The following DISP2 variants were observed in gnomAD, a reference collection of about 807,000 sequenced individuals.
DISP2 encodes dispatched RND transporter family member 2.
In DISP2, 59 loss-of-function variants were observed where a neutral mutation model predicts 95.5. That is an observed-to-expected ratio of 0.62 (90% CI 0.50 to 0.77). The LOEUF (loss-of-function observed/expected upper bound fraction) is 0.77, where lower values mean the gene tolerates loss of function less well. Among genes scored for constraint, DISP2 ranks in the 30% least tolerant of loss-of-function variants. DISP2 has a pLI of 0.00. For missense variants in DISP2, 1,752 were observed against 1,854.6 expected (o/e 0.94, Z 1.02); for synonymous variants, 827 against 815.0 (o/e 1.01, Z -0.25).
rs1339520659 is a variant in DISP2, at chr15:40,377,588, C to A, written c.*7270C>A. Reference sequence around the variant, plus strand: ...GGGAGAACCCAGGCAAAGCAAGTGACTCTGAGGTGAGGGGATAGCTGGGAG... The same window carrying A: ...GGGAGAACCCAGGCAAAGCAAGTGAATCTGAGGTGAGGGGATAGCTGGGAG... On this transcript the variant is annotated 3_prime_UTR_variant, in exon 8 of 8. Coordinates refer to ENST00000267889, the MANE Select transcript of DISP2 (RefSeq NM_033510.3). 6.6e-6 allele frequency: 1 copy of A among 152,336 alleles called. No homozygotes were observed. Among genetic ancestry groups the A allele is most frequent in the African/African-American group, 2.4e-5 (1 of 41,418 alleles). 9.4% of individuals were successfully genotyped at this position (152,336 alleles called of 1,614,324 possible).
Position 40,374,825 on chromosome 15 carries a change from G to A in DISP2, c.*4507G>A, listed in dbSNP as rs975872055. On this transcript the variant is annotated 3_prime_UTR_variant, in exon 8 of 8. Coordinates refer to ENST00000267889, the MANE Select transcript of DISP2 (RefSeq NM_033510.3). The stretch of plus-strand genomic sequence containing the variant: ...GGGGTTTCATTGTGTTAGCCAGGAT[G>A]GTTTCGATCTCCTGACCTTGTGATC... 2.0e-5 allele frequency: 3 copies of A among 152,058 alleles called. No individual in the cohort carries two copies. Among genetic ancestry groups the A allele is most frequent in the African/African-American group, 4.8e-5 (2 of 41,380 alleles). The allele number at this position is 152,058 out of a possible 1,614,324, so 9.4% of individuals were successfully genotyped here. A position where few individuals can be genotyped will look rare whatever the true frequency, so the allele number is the denominator to read the frequency against.
In DISP2 at chr15:40,374,014, A is replaced by AAAAAAAAAAAAAAATATATAT; in HGVS notation, c.*3697_*3698insAAAAAAAAAAAAATATATATA. The AAAAAAAAAAAAAAATATATAT allele has an allele frequency of 9.6e-6, 1 of 104,196 alleles. No homozygotes were observed. Among genetic ancestry groups the AAAAAAAAAAAAAAATATATAT allele is most frequent in the African/African-American group, 4.2e-5 (1 of 23,942 alleles). 6.5% of individuals were successfully genotyped at this position (104,196 alleles called of 1,614,324 possible). ...GCGAGACTCCATCTTAAAAAAAAAA[A>AAAAAAAAAAAAAAATATATAT]ATATATATATATATATATGTAAACT... On this transcript the variant is annotated 3_prime_UTR_variant, in exon 8 of 8. Transcript: ENST00000267889.
Position 40,367,321 on chromosome 15 carries a change from C to G in DISP2, c.1209C>G (p.Ser403=), listed in dbSNP as rs765428350. ...PRCAQVPTKC[S]QSSAIYQLLH... ...GTGCCCAGGTTCCCACCAAGTGCTC[C>G]CAGAGTAGTGCCATCTACCAACTCC... The change falls in exon 8 of 8, where the codon TCC becomes TCG. Residue 403 remains serine, a synonymous_variant. Transcript: ENST00000267889. 3.3e-5 allele frequency: 54 copies of G among 1,613,628 alleles called. No homozygotes were observed. The highest frequency in any genetic ancestry group is 4.1e-5 in the Non-Finnish European group (48 of 1,179,966).
At position 40,370,134 on chromosome 15, in the gene DISP2, G is replaced by A. The variant is rs1889613949; in HGVS notation, c.4022G>A (p.Trp1341Ter). The change falls in exon 8 of 8, where the codon TGG (tryptophan) becomes TAG (stop). Residue 1341 changes from tryptophan to a stop codon, truncating the protein, a stop_gained. Coordinates refer to ENST00000267889, the MANE Select transcript of DISP2 (RefSeq NM_033510.3). LOFTEE classifies it high-confidence loss of function. ...GQLNGKRDTL[W>*]LALRETVYDP... ...CTCAATGGGAAGCGGGACACCCTGT[G>A]GCTGGCGCTGAGGGAGACAGTGTAT... 6.2e-7 allele frequency: 1 copy of A among 1,608,318 alleles called. No individual in the cohort carries two copies. Among genetic ancestry groups the A allele is most frequent in the African/African-American group, 1.3e-5 (1 of 74,870 alleles).
intron 1 of DISP2, among the ~76,000 whole-genome samples, chr15:40,361,372 T>C (rs569704789): frequency 6.6e-6 from 1 of 152,376 alleles, no homozygotes; most frequent in African/African-American, 2.4e-5. Context: ...CCTGCTGCAC[T>C]GACCGTGGGA....
In DISP2 at chr15:40,368,239, G is replaced by T; in HGVS notation, c.2127G>T (p.Trp709Cys). The T allele has an allele frequency of 1.9e-6, 3 of 1,610,738 alleles. No homozygotes were observed. The highest frequency in any genetic ancestry group is 2.5e-6 in the Non-Finnish European group (3 of 1,179,106). Residue 709 changes from tryptophan to cysteine, a missense_variant, in exon 8 of 8, where the codon TGG becomes TGT. Trp to Cys is a radical substitution (Grantham distance 215). Transcript: ENST00000267889. ...AGTTCCGCTACATCTGGATCTGCTG[G>T]TTCGCAGCACTGGCGGCAGGGGGCG... Reference protein sequence around the residue: ...VIKFRYIWICWFAALAAGGAY... With the variant: ...VIKFRYIWICCFAALAAGGAY...
In DISP2 at chr15:40,368,005, G is replaced by A; in HGVS notation, c.1893G>A (p.Ala631=). The A allele has an allele frequency of 6.5e-7, 1 of 1,538,356 alleles. No homozygotes were observed. Among genetic ancestry groups the A allele is most frequent in the South Asian group, 1.2e-5 (1 of 84,668 alleles). ...FMGTAVLVHL[A]LTLVWLPASA... The stretch of plus-strand genomic sequence containing the variant: ...GCACGGCTGTGCTGGTGCACCTGGC[G>A]CTCACGCTGGTCTGGCTGCCCGCCT... The change falls in exon 8 of 8, where the codon GCG becomes GCA. Residue 631 remains alanine (A), a synonymous_variant. Transcript: ENST00000267889.
In DISP2 at chr15:40,369,082, A is replaced by G. The variant is rs756103786; in HGVS notation, c.2970A>G (p.Leu990=). Residue 990 remains leucine, a synonymous_variant, in exon 8 of 8, where the codon CTA becomes CTG. Coordinates refer to ENST00000267889, the MANE Select transcript of DISP2 (RefSeq NM_033510.3). The part of the protein sequence containing the change: ...LLGTWNVPLS[L]FSVAAVAGTV... ...GCACCTGGAATGTTCCCCTCAGCCT[A>G]TTCTCCGTGGCAGCTGTGGCAGGCA... 4 of 1,613,872 alleles carry G rather than the reference A, an allele frequency of 2.5e-6. No homozygotes were observed. Among genetic ancestry groups the G allele is most frequent in the Admixed American group, 1.7e-5 (1 of 60,006 alleles).
Position 40,368,029 on chromosome 15 carries a change from C to G in DISP2, c.1917C>G (p.Ala639=), listed in dbSNP as rs1889539043. 6.5e-7 allele frequency: 1 copy of G among 1,531,288 alleles called. No individual in the cohort carries two copies. Among genetic ancestry groups the G allele is most frequent in the African/African-American group, 1.4e-5 (1 of 72,856 alleles). The allele number at this position is 1,531,288 out of a possible 1,614,324, so 94.9% of individuals were successfully genotyped here. A position where few individuals can be genotyped will look rare whatever the true frequency, so the allele number is the denominator to read the frequency against. The change falls in exon 8 of 8, where the codon GCC becomes GCG. Residue 639 remains alanine, a synonymous_variant. Coordinates refer to ENST00000267889, the MANE Select transcript of DISP2 (RefSeq NM_033510.3). ...HLALTLVWLP[A]SAVLHERYLA... ...CGCTCACGCTGGTCTGGCTGCCCGC[C>G]TCCGCCGTGCTCCACGAGCGCTACC...
rs200349791 is a variant in DISP2, at chr15:40,369,403, C to T, written c.3291C>T (p.Cys1097=). The T allele has an allele frequency of 2.2e-5, 35 of 1,613,648 alleles. No homozygotes were observed. Among genetic ancestry groups the T allele is most frequent in the Middle Eastern group, 3.3e-4 (2 of 6,062 alleles). Reference sequence around the variant, plus strand: ...GCATCATCCTCATGATGGTCAAATGCGTCAGTTGTGGCTTTGCCAGCTTCT... The same window carrying T: ...GCATCATCCTCATGATGGTCAAATGTGTCAGTTGTGGCTTTGCCAGCTTCT... ...KLGIILMMVK[C]VSCGFASFFF... The change falls in exon 8 of 8, where the codon TGC becomes TGT. Residue 1097 remains cysteine, a synonymous_variant. Transcript: ENST00000267889.
In DISP2 at chr15:40,374,044, A is replaced by C. The variant is rs1265613795; in HGVS notation, c.*3726A>C. On this transcript the variant is annotated 3_prime_UTR_variant, in exon 8 of 8. Transcript: ENST00000267889. The stretch of plus-strand genomic sequence containing the variant: ...ATATATATATATATGTAAACTTGAT[A>C]TAGTCTGTTACCATGGGAAAACCAT... 2 of 143,276 alleles carry C rather than the reference A, an allele frequency of 1.4e-5. No individual in the cohort carries two copies. Among genetic ancestry groups the C allele is most frequent in the Admixed American group, 1.4e-4 (2 of 14,224 alleles). The allele number at this position is 143,276 out of a possible 1,614,324, so 8.9% of individuals were successfully genotyped here. A position where few individuals can be genotyped will look rare whatever the true frequency, so the allele number is the denominator to read the frequency against.
rs768018157 is a variant in DISP2, at chr15:40,368,891, G to A, written c.2779G>A (p.Val927Ile). 2 of 1,614,002 alleles carry A rather than the reference G, an allele frequency of 1.2e-6. No individual in the cohort carries two copies. Among genetic ancestry groups the A allele is most frequent in the East Asian group, 4.5e-5 (2 of 44,880 alleles). The change falls in exon 8 of 8, where the codon GTC becomes ATC. Residue 927 changes from valine (V) to isoleucine (I), a missense_variant. Transcript: ENST00000267889. Reference sequence around the variant, plus strand: ...CCAGACCCAGCTCTTCTACAATGAGGTCAGCCACTGGCTGGCAGCGGAGCT... The same window carrying A: ...CCAGACCCAGCTCTTCTACAATGAGATCAGCCACTGGCTGGCAGCGGAGCT... ...YNQTQLFYNE[V>I]SHWLAAELGM...
intron 1 of DISP2, among the ~76,000 whole-genome samples, chr15:40,359,829 G>A (rs1201482783): frequency 6.6e-6 from 1 of 152,222 alleles, no homozygotes; most frequent in Non-Finnish European, 1.5e-5. Context: ...TAGATACACA[G>A]TGAATAACTC....
In DISP2 at chr15:40,368,002, G is replaced by T; in HGVS notation, c.1890G>T (p.Leu630=). ...LFMGTAVLVH[L]ALTLVWLPAS... Reference sequence around the variant, plus strand: ...TGGGCACGGCTGTGCTGGTGCACCTGGCGCTCACGCTGGTCTGGCTGCCCG... The same window carrying T: ...TGGGCACGGCTGTGCTGGTGCACCTTGCGCTCACGCTGGTCTGGCTGCCCG... The change falls in exon 8 of 8, where the codon CTG becomes CTT. Residue 630 remains leucine (L), a synonymous_variant. Coordinates refer to ENST00000267889, the MANE Select transcript of DISP2 (RefSeq NM_033510.3). The T allele has an allele frequency of 6.5e-7, 1 of 1,539,988 alleles. No individual in the cohort carries two copies. The highest frequency in any genetic ancestry group is 8.7e-7 in the Non-Finnish European group (1 of 1,149,268).
chr15:40,377,437 G>A lies in DISP2; in HGVS notation c.*7119G>A, dbSNP rs1889745883. On this transcript the variant is annotated 3_prime_UTR_variant, in exon 8 of 8. Transcript: ENST00000267889. Reference sequence around the variant, plus strand: ...ACAACCAACCAAACAGTAAATACATGAAATAATGAGTTTCAAGACACTGGA... The same window carrying A: ...ACAACCAACCAAACAGTAAATACATAAAATAATGAGTTTCAAGACACTGGA... 6.6e-6 allele frequency: 1 copy of A among 152,118 alleles called. No individual in the cohort carries two copies. Among genetic ancestry groups the A allele is most frequent in the African/African-American group, 2.4e-5 (1 of 41,424 alleles). 9.4% of individuals were successfully genotyped at this position (152,118 alleles called of 1,614,324 possible).
chr15:40,374,030 T>C lies in DISP2; in HGVS notation c.*3712T>C, dbSNP rs967920004. On this transcript the variant is annotated 3_prime_UTR_variant, in exon 8 of 8. Transcript: ENST00000267889. ...AAAAAAAAAAATATATATATATATA[T>C]ATGTAAACTTGATATAGTCTGTTAC... 2.4e-4 allele frequency: 32 copies of C among 131,420 alleles called. No individual in the cohort carries two copies. The highest frequency in any genetic ancestry group is 3.7e-4 in the Admixed American group (5 of 13,384). The allele number at this position is 131,420 out of a possible 1,614,324, so 8.1% of individuals were successfully genotyped here.
rs147645156 is a variant in DISP2 at position 40,368,592 on chromosome 15, C to T, written c.2480C>T (p.Thr827Ile). 2.2e-4 allele frequency: 349 copies of T among 1,605,362 alleles called. No homozygotes were observed. The highest frequency in any genetic ancestry group is 2.9e-4 in the Non-Finnish European group (339 of 1,179,950). The change falls in exon 8 of 8, where the codon ACC becomes ATC. Residue 827 changes from threonine (T) to isoleucine (I), a missense_variant. Thr to Ile is a moderately conservative substitution (Grantham distance 89, BLOSUM62 -1). Coordinates refer to ENST00000267889, the MANE Select transcript of DISP2 (RefSeq NM_033510.3). ...HRARNQSFFD[T>I]LQEGWPTLCF... ...GCCCGGAATCAGAGCTTCTTCGACACCCTGCAGGAAGGCTGGCCCACGCTG... is the reference window on the plus strand; with the variant it reads ...GCCCGGAATCAGAGCTTCTTCGACATCCTGCAGGAAGGCTGGCCCACGCTG...
rs375067740 is a variant in DISP2, at chr15:40,369,289, C to G, written c.3177C>G (p.Thr1059=). The G allele has an allele frequency of 2.6e-4, 425 of 1,613,568 alleles. No individual in the cohort carries two copies. The highest frequency in any genetic ancestry group is 3.5e-4 in the Non-Finnish European group (417 of 1,180,046). The change falls in exon 8 of 8, where the codon ACC becomes ACG. Residue 1059 remains threonine, a synonymous_variant. Coordinates refer to ENST00000267889, the MANE Select transcript of DISP2 (RefSeq NM_033510.3). ...GTGTGGCCTTCTCTCTGCGCCAGAC[C>G]AGCTGCGCCACAGCCGTGGGGGCTG... ...LSRVAFSLRQ[T]SCATAVGAAA... is the part of the protein sequence containing the mutation.
At chr15:40,362,881 G>A (rs1045317831) in intron 1 of DISP2, among the ~76,000 whole-genome samples, 1 of 152,240 alleles carries the variant, frequency 6.6e-6, no homozygotes, top group African/African-American at 2.4e-5. Context: ...GCAGACGACT[G>A]CAGCAGAAAG....
Sources: allele counts gnomAD v4.1 joint callset (sites outside exome capture counted in the v4.1 genomes callset), GRCh38; gene constraint gnomAD v4.1.1; transcripts MANE v1.5; gene names NCBI Gene and HGNC (gene_info 2026-07-23, HGNC 2026-07-21).